GASK1A: variants seen among roughly 807,000 people sequenced by gnomAD.
GASK1A encodes the protein golgi associated kinase 1A.
GASK1A carries 40 observed loss-of-function variants against 41.2 expected under a neutral mutation model. The ratio of observed to expected loss-of-function variants is 0.97; its 90% CI spans 0.75 to 1.27. The LOEUF (loss-of-function observed/expected upper bound fraction) is 1.27, where lower values mean the gene tolerates loss of function less well. GASK1A is among the 50% of genes most tolerant of loss of function. The pLI, the probability that GASK1A is intolerant of heterozygous loss-of-function variation, is 0.00. For missense variants in GASK1A, 678 were observed against 745.1 expected (o/e 0.91, Z 1.05); for synonymous variants, 316 against 307.1 (o/e 1.03, Z -0.30).
intron 3 of GASK1A, 92 bp downstream of exon 3, chr3:43,053,735 T>G (rs963901962): frequency 7.1e-7 from 1 of 1,413,976 alleles, no homozygotes; most frequent in Non-Finnish European, 9.8e-7. Flanking sequence ...CAGAGATCAG[T>G]TGATGCTGGG....
intron 1 of GASK1A, among the ~76,000 whole-genome samples, chr3:42,987,879 G>A (rs1055975275): frequency 2.0e-5 from 3 of 151,622 alleles, no homozygotes; most frequent in Non-Finnish European, 4.4e-5. Flanking sequence ...GGTGCCTGTA[G>A]TCCCAGCTGC....
chr3:43,022,764 G>A (rs10510736), intron 1 of GASK1A, among the ~76,000 whole-genome samples: 59,201 of 152,046 alleles, frequency 0.39, 11,905 homozygotes, highest in Non-Finnish European at 0.44. Flanking sequence ...CATCTCCTCT[G>A]TAGAAATTTT....
At chr3:43,018,753 A>T (rs529415096) in intron 1 of GASK1A, among the ~76,000 whole-genome samples, 1 of 152,236 alleles carries the variant, frequency 6.6e-6, no homozygotes, top group South Asian at 2.1e-4. Context: ...CCTGCCTTTG[A>T]CCTCATTCAA....
chr3:43,040,206 T>G (rs2089629264), intron 2 of GASK1A, among the ~76,000 whole-genome samples: 1 of 152,266 alleles, frequency 6.6e-6, no homozygotes, highest in East Asian at 1.9e-4. Context: ...TTTTTTCAGA[T>G]GGCAACCCAA....
chr3:43,010,305 C>G (rs1366826343), intron 1 of GASK1A, among the ~76,000 whole-genome samples: 1 of 152,186 alleles, frequency 6.6e-6, no homozygotes, highest in Non-Finnish European at 1.5e-5. Context: ...CAGCCAGAGC[C>G]TTCTTCCTGC....
At chr3:43,037,104 C>T (rs1290610507) in intron 2 of GASK1A, 1 of 737,832 alleles carries the variant, frequency 1.4e-6, no homozygotes, top group Non-Finnish European at 2.3e-6. Flanking sequence ...TTGCACAACA[C>T]TAAAAGTCAG....
intron 1 of GASK1A, among the ~76,000 whole-genome samples, chr3:43,010,709 C>A (rs2089459345): frequency 6.6e-6 from 1 of 152,236 alleles, no homozygotes; most frequent in Non-Finnish European, 1.5e-5. Context: ...TGAGAACCAT[C>A]ATTTTCTAAG....
chr3:42,997,443 G>GA (rs879346426), intron 1 of GASK1A, among the ~76,000 whole-genome samples: 8 of 151,806 alleles, frequency 5.3e-5, no homozygotes, highest in Non-Finnish European at 1.0e-4. Context: ...AGAGAGGGGG[G>GA]GGGGATCTGG....
intron 1 of GASK1A, among the ~76,000 whole-genome samples, chr3:43,027,381 G>A (rs1279038451): frequency 6.6e-6 from 1 of 152,172 alleles, no homozygotes. Context: ...ACAATTGGAT[G>A]GGGGATGAAG....
intron 3 of GASK1A, among the ~76,000 whole-genome samples, chr3:43,054,637 A>G (rs745452506): frequency 8.5e-5 from 13 of 152,208 alleles, no homozygotes; most frequent in Non-Finnish European, 1.2e-4. Context: ...ATTGTGGGAA[A>G]TGCCCATGGA....
chr3:43,021,529 C>T (rs568027526), intron 1 of GASK1A, among the ~76,000 whole-genome samples: 1 of 152,314 alleles, frequency 6.6e-6, no homozygotes, highest in East Asian at 1.9e-4. Context: ...TATTTTCAGA[C>T]CCCTGAAAGG....
chr3:43,045,200 C>T (rs1246832189), intron 2 of GASK1A, among the ~76,000 whole-genome samples: 1 of 152,138 alleles, frequency 6.6e-6, no homozygotes, highest in Non-Finnish European at 1.5e-5. Context: ...TGTGCACATT[C>T]CAGAGGCTAC....
chr3:43,045,180 C>T (rs2089656275), intron 2 of GASK1A, among the ~76,000 whole-genome samples: 1 of 152,144 alleles, frequency 6.6e-6, no homozygotes, highest in Admixed American at 6.5e-5. Context: ...GGGAGAGCAA[C>T]CAGCAAATCT....
intron 2 of GASK1A, among the ~76,000 whole-genome samples, chr3:43,050,731 G>C (rs1456905634): frequency 6.6e-6 from 1 of 151,572 alleles, no homozygotes; most frequent in Non-Finnish European, 1.5e-5. Context: ...CCTCATACTT[G>C]ATAATCTCAG....
At chr3:43,018,326 C>A (rs1164280672) in intron 1 of GASK1A, among the ~76,000 whole-genome samples, 3 of 152,132 alleles carry the variant, frequency 2.0e-5, no homozygotes, top group Admixed American at 1.3e-4. Flanking sequence ...GAGTTCCTGG[C>A]GCATGGCATG....
intron 1 of GASK1A, among the ~76,000 whole-genome samples, chr3:42,997,513 T>G (rs1398342492): frequency 1.3e-5 from 2 of 152,038 alleles, no homozygotes; most frequent in Non-Finnish European, 2.9e-5. Flanking sequence ...CCCATTCTTT[T>G]TCAAAGGTGT....
chr3:43,031,569 A>T (rs542631788), intron 1 of GASK1A, among the ~76,000 whole-genome samples: 1 of 152,376 alleles, frequency 6.6e-6, no homozygotes, highest in East Asian at 1.9e-4. Context: ...ACCTGAACGT[A>T]ATCCAAGGAC....
Position 42,979,660 on chromosome 3 carries a change from A to T in GASK1A, c.3+15A>T. ...CCGGGGACATGGTAGGACTCGCGGG[A>T]AGGAACGCGCGAGCGGAGGGTGGGG... On this transcript the variant is annotated intron_variant, in intron 1 of 4. Transcript: ENST00000430121. 3.2e-6 allele frequency: 4 copies of T among 1,245,612 alleles called. No homozygotes were observed. Among genetic ancestry groups the T allele is most frequent in the Non-Finnish European group, 4.1e-6 (4 of 987,586 alleles). 77.2% of individuals were successfully genotyped at this position (1,245,612 alleles called of 1,614,324 possible).
chr3:43,023,062 A>G (rs1255744893), intron 1 of GASK1A, among the ~76,000 whole-genome samples: 1 of 152,208 alleles, frequency 6.6e-6, no homozygotes, highest in Non-Finnish European at 1.5e-5. Flanking sequence ...ATGTTATCTC[A>G]TTTAGAAAAA....
Sources: gnomAD v4.1 joint callset for allele counts (sites outside exome capture counted in the v4.1 genomes callset) on GRCh38, gnomAD v4.1.1 for gene constraint, MANE v1.5 for transcripts, NCBI Gene and HGNC (gene_info 2026-07-23, HGNC 2026-07-21) for gene names.